Variants in TMEM209 observed in about 807,000 individuals in gnomAD.
TMEM209 encodes testicular tissue protein Li 202.
Under a neutral mutation model 76.2 loss-of-function variants are expected in TMEM209, and 65 were observed. The ratio of observed to expected loss-of-function variants is 0.85; its 90% CI spans 0.70 to 1.05. The LOEUF (loss-of-function observed/expected upper bound fraction) is 1.05, where lower values mean the gene tolerates loss of function less well. TMEM209 is among the 50% of genes least tolerant of loss of function. The pLI is 0.00. For synonymous variants in TMEM209, 239 were observed against 237.6 expected, an observed-to-expected ratio of 1.01 and a Z score of -0.06; for missense variants, 623 against 685.5, an observed-to-expected ratio of 0.91 and a Z score of 1.02.
chr7:130,202,671 A>G lies in TMEM209; in HGVS notation c.200-8T>C, dbSNP rs747370391. The G allele has an allele frequency of 6.2e-7, 1 of 1,608,674 alleles. No individual in the cohort carries two copies. Among genetic ancestry groups the G allele is most frequent in the Non-Finnish European group, 8.5e-7 (1 of 1,177,962 alleles). On this transcript the variant is annotated splice_polypyrimidine_tract_variant and splice_region_variant and intron_variant, in intron 3 of 14. Transcript: ENST00000397622. ...GAGATGCAAGGGCAAGCTCTGGAAG[A>G]GAACAATTTTTTTTTAATAAGGGGG...
In TMEM209 at chr7:130,202,667, G is replaced by A. The variant is rs778286153; in HGVS notation, c.200-4C>T. The A allele has an allele frequency of 1.9e-6, 3 of 1,609,550 alleles. No homozygotes were observed. In the African/African-American group the frequency reaches 4.0e-5, roughly 22 times the overall value. On this transcript the variant is annotated splice_polypyrimidine_tract_variant and splice_region_variant and intron_variant, in intron 3 of 14. Coordinates refer to ENST00000397622, the MANE Select transcript of TMEM209 (RefSeq NM_032842.4). The stretch of plus-strand genomic sequence containing the variant: ...AAGAGAGATGCAAGGGCAAGCTCTG[G>A]AAGAGAACAATTTTTTTTTAATAAG...
intron 6 of TMEM209, 31 bp downstream of exon 6, chr7:130,192,591 G>A (rs1291920893): frequency 3.2e-6 from 5 of 1,585,742 alleles, no homozygotes; most frequent in Non-Finnish European, 3.5e-6. Context: ...CCAAAAATAT[G>A]TATAGTAGAT....
chr7:130,171,858 G>A (rs971961055), intron 13 of TMEM209, among the ~76,000 whole-genome samples: 9 of 151,910 alleles, frequency 5.9e-5, no homozygotes. Flanking sequence ...TAAAACCCCC[G>A]TCTCTTACTA....
chr7:130,165,447 G>A lies in TMEM209; in HGVS notation c.*1004C>T, dbSNP rs1463943259. 6.6e-6 allele frequency: 1 copy of A among 152,024 alleles called. No individual in the cohort carries two copies. The highest frequency in any genetic ancestry group is 1.5e-5 in the Non-Finnish European group (1 of 67,986). 9.4% of individuals were successfully genotyped at this position (152,024 alleles called of 1,614,324 possible). On this transcript the variant is annotated 3_prime_UTR_variant, in exon 15 of 15. Coordinates refer to ENST00000397622, the MANE Select transcript of TMEM209 (RefSeq NM_032842.4). ...GAGAACTTTAAAAATAACACATTAT[G>A]GAATAGTAAAACTGAGCTGCTAAAA...
At chr7:130,199,509 T>A (rs191392415) in intron 5 of TMEM209, among the ~76,000 whole-genome samples, 220 of 152,232 alleles carry the variant, frequency 1.4e-3, no homozygotes, top group African/African-American at 5.0e-3. Flanking sequence ...CGTGACCCGC[T>A]GCGCCCAGCC....
At position 130,165,256 on chromosome 7, in the gene TMEM209, CTAATA is replaced by C. The variant is rs1483513113; in HGVS notation, c.*1190_*1194del. ...TTACATAAGATGATGGAAGCAGTCT[CTAATA>C]TGTTAATCAAGAAAATATATGCAAT... On this transcript the variant is annotated 3_prime_UTR_variant, in exon 15 of 15. Coordinates refer to ENST00000397622, the MANE Select transcript of TMEM209 (RefSeq NM_032842.4). 6.6e-6 allele frequency: 1 copy of C among 152,072 alleles called. No individual in the cohort carries two copies. Among genetic ancestry groups the C allele is most frequent in the Non-Finnish European group, 1.5e-5 (1 of 68,026 alleles). 9.4% of individuals were successfully genotyped at this position (152,072 alleles called of 1,614,324 possible).
At chr7:130,196,940 T>G (rs1340934284) in intron 5 of TMEM209, among the ~76,000 whole-genome samples, 4 of 152,238 alleles carry the variant, frequency 2.6e-5, no homozygotes, top group African/African-American at 9.6e-5. Flanking sequence ...CAAACCATGG[T>G]ATGGGGCCAG....
chr7:130,170,331 CT>C (rs945742828), intron 14 of TMEM209, 68 bp downstream of exon 14: 2 of 1,320,658 alleles, frequency 1.5e-6, no homozygotes, highest in Non-Finnish European at 2.2e-6. Flanking sequence ...CTGCTGCCTT[CT>C]GCAGAATCTT....
At chr7:130,194,046 A>C (rs1258746492) in intron 5 of TMEM209, among the ~76,000 whole-genome samples, 2 of 151,816 alleles carry the variant, frequency 1.3e-5, no homozygotes, top group Non-Finnish European at 2.9e-5. Flanking sequence ...AAAGTACAAA[A>C]AAATTAGCTG....
intron 6 of TMEM209, among the ~76,000 whole-genome samples, chr7:130,191,456 GT>G (rs1797793732): frequency 6.6e-6 from 1 of 152,076 alleles, no homozygotes; most frequent in African/African-American, 2.4e-5. Flanking sequence ...AAGTGTGACA[GT>G]GAACAAATAT....
intron 6 of TMEM209, among the ~76,000 whole-genome samples, chr7:130,188,139 T>A (rs1446070122): frequency 3.9e-5 from 6 of 152,084 alleles, no homozygotes; most frequent in African/African-American, 1.4e-4. Flanking sequence ...TGGCTGAAAT[T>A]AAAAAACTCA....
rs1331503091 is a variant in TMEM209 at position 130,204,106 on chromosome 7, T to C, written c.8A>G (p.Gln3Arg). The change falls in exon 2 of 15, where the codon CAG (glutamine) becomes CGG (arginine). Residue 3 changes from glutamine to arginine, a missense_variant. By Grantham distance (43) the Gln-to-Arg change is conservative (BLOSUM62 1). Coordinates refer to ENST00000397622, the MANE Select transcript of TMEM209 (RefSeq NM_032842.4). MM[Q>R]GEAHPSASLI... is the part of the protein sequence containing the mutation. ...GGAAGCACTAGGGTGTGCCTCCCCCTGCATCTATGAAAAAACAAAAAGCAC... is the reference window on the plus strand; with the variant it reads ...GGAAGCACTAGGGTGTGCCTCCCCCCGCATCTATGAAAAAACAAAAAGCAC... The C allele has an allele frequency of 6.2e-7, 1 of 1,602,340 alleles. No individual in the cohort carries two copies. The highest frequency in any genetic ancestry group is 8.5e-7 in the Non-Finnish European group (1 of 1,176,130).
chr7:130,180,553 A>G (rs1395061128), intron 9 of TMEM209, among the ~76,000 whole-genome samples: 3 of 152,112 alleles, frequency 2.0e-5, no homozygotes, highest in Non-Finnish European at 4.4e-5. Flanking sequence ...TTTTTAGTAC[A>G]GACGGGGTTT....
At chr7:130,196,599 T>C (rs2117023773) in intron 5 of TMEM209, among the ~76,000 whole-genome samples, 1 of 152,258 alleles carries the variant, frequency 6.6e-6, no homozygotes, top group Middle Eastern at 3.4e-3. Context: ...AAGGGGTAAT[T>C]AACCTAAGTG....
intron 6 of TMEM209, among the ~76,000 whole-genome samples, chr7:130,185,581 C>G (rs559834019): frequency 1.3e-5 from 2 of 152,232 alleles, no homozygotes; most frequent in Admixed American, 1.3e-4. Context: ...ATTTAACAGT[C>G]ATAAAAACAA....
At position 130,166,442 on chromosome 7, in the gene TMEM209, T is replaced by A; in HGVS notation, c.*9A>T. 3.2e-6 allele frequency: 5 copies of A among 1,543,980 alleles called. No individual in the cohort carries two copies. The highest frequency in any genetic ancestry group is 4.4e-6 in the Non-Finnish European group (5 of 1,143,816). ...ATAGTCTAAATGTCAGAATTAAATA[T>A]ATGACTTGCTACTCGCCAAAGATCC... On this transcript the variant is annotated 3_prime_UTR_variant, in exon 15 of 15. Transcript: ENST00000397622.
chr7:130,201,191 C>T (rs1798186904), intron 5 of TMEM209, among the ~76,000 whole-genome samples: 1 of 149,976 alleles, frequency 6.7e-6, no homozygotes, highest in Non-Finnish European at 1.5e-5. Flanking sequence ...CTAGCAGCTA[C>T]AGAGATGTTA....
At chr7:130,167,706 G>T (rs775577549) in intron 14 of TMEM209, among the ~76,000 whole-genome samples, 13 of 151,740 alleles carry the variant, frequency 8.6e-5, no homozygotes, top group Non-Finnish European at 1.8e-4. Context: ...TTTTCCTTTT[G>T]CAAGTAGAAC....
chr7:130,205,394 G>C lies in TMEM209; in HGVS notation c.-19C>G, dbSNP rs1184095519. On this transcript the variant is annotated 5_prime_UTR_variant, in exon 1 of 15. Coordinates refer to ENST00000397622, the MANE Select transcript of TMEM209 (RefSeq NM_032842.4). Reference sequence around the variant, plus strand: ...GCACCATGTCCTCTGGCCGGAAAACGCAGGCTCGCGCCACTCTCTCTGGGC... The same window carrying C: ...GCACCATGTCCTCTGGCCGGAAAACCCAGGCTCGCGCCACTCTCTCTGGGC... 2 of 1,613,636 alleles carry C rather than the reference G, an allele frequency of 1.2e-6. No homozygotes were observed. Among genetic ancestry groups the C allele is most frequent in the South Asian group, 2.2e-5 (2 of 91,068 alleles).
Sources: allele counts gnomAD v4.1 joint callset (sites outside exome capture counted in the v4.1 genomes callset), GRCh38; gene constraint gnomAD v4.1.1; transcripts MANE v1.5; gene names NCBI Gene and HGNC (gene_info 2026-07-23, HGNC 2026-07-21).